Variants in GRIK4 observed in about 807,000 individuals in gnomAD.
GRIK4 encodes glutamate receptor ionotropic, kainate 4.
Under a neutral mutation model 104.9 loss-of-function variants are expected in GRIK4, and 40 were observed. That is an observed-to-expected ratio of 0.38 (90% CI 0.30 to 0.50). The LOEUF is 0.50. Ranked by LOEUF, GRIK4 falls within the 20% of genes least tolerant of loss-of-function variation. The pLI is 0.93. For synonymous variants in GRIK4, 485 were observed against 524.9 expected (o/e 0.92, Z 1.04); for missense variants, 1,047 against 1,308.1 (o/e 0.80, Z 3.08).
chr11:120,906,001 G>A (rs1046035448), intron 13 of GRIK4, among the ~76,000 whole-genome samples: 4 of 152,170 alleles, frequency 2.6e-5, no homozygotes, highest in Non-Finnish European at 5.9e-5. Context: ...GTTATCTTTG[G>A]TTAGCGTTAA....
In GRIK4 at chr11:120,822,232, A is replaced by AAAAG. The variant is rs1565373250; in HGVS notation, c.511+2314_511+2317dup. Among the ~76,000 whole-genome samples, 658 of 147,072 alleles carry AAAAG rather than the reference A, an allele frequency of 4.5e-3. 6 individuals carry two copies. The highest frequency in any genetic ancestry group is 0.017 in the African/African-American group (624 of 37,214). ...ATCTCAAAAAAAAAAAAAAAAAAAA[A>AAAAG]AAAGACAGTAAAATGATAATTGAGG... On this transcript the variant is annotated intron_variant, in intron 6 of 20. Transcript: ENST00000527524.
chr11:120,695,832 C>T (rs1415871041), intron 3 of GRIK4, among the ~76,000 whole-genome samples: 1 of 152,210 alleles, frequency 6.6e-6, no homozygotes, highest in Non-Finnish European at 1.5e-5. Context: ...TGAGGGCAGC[C>T]AAGGACCCAA....
At chr11:120,648,987 G>A (rs138807823) in intron 1 of GRIK4, among the ~76,000 whole-genome samples, 45 of 152,306 alleles carry the variant, frequency 3.0e-4, no homozygotes, top group African/African-American at 1.0e-3. Flanking sequence ...CTTGGCCCCC[G>A]AGGGAGCCTG....
intron 1 of GRIK4, among the ~76,000 whole-genome samples, chr11:120,541,458 A>G (rs868087119): frequency 1.3e-5 from 2 of 152,144 alleles, no homozygotes; most frequent in African/African-American, 4.8e-5. Context: ...AGCTGTTGCA[A>G]CCAAAAAGGC....
At chr11:120,947,981 C>T (rs754766006) in intron 14 of GRIK4, among the ~76,000 whole-genome samples, 1 of 152,186 alleles carries the variant, frequency 6.6e-6, no homozygotes, top group African/African-American at 2.4e-5. Context: ...GGGTGCTTTA[C>T]GTGGATAGGA....
intron 18 of GRIK4, among the ~76,000 whole-genome samples, chr11:120,963,504 A>C (rs1242451808): frequency 6.6e-6 from 1 of 152,182 alleles, no homozygotes; most frequent in Admixed American, 6.5e-5. Context: ...CTTCACACAC[A>C]CACCATAGAG....
chr11:120,790,130 C>G (rs142278045), intron 3 of GRIK4, among the ~76,000 whole-genome samples: 14 of 152,074 alleles, frequency 9.2e-5, no homozygotes, highest in African/African-American at 2.9e-4. Flanking sequence ...TATCACTTAC[C>G]GTATCAGGTT....
At chr11:120,654,852 T>G (rs1353527767) in intron 2 of GRIK4, among the ~76,000 whole-genome samples, 2 of 152,114 alleles carry the variant, frequency 1.3e-5, no homozygotes, top group Non-Finnish European at 2.9e-5. Flanking sequence ...CAGCCCCATG[T>G]TCTTACCTGT....
In GRIK4 at chr11:120,939,853, G is replaced by A. The variant is rs777549465; in HGVS notation, c.1477-494G>A. ...AAATAAGCCAGGCATGGTGGCCCAC[G>A]CCTGTAGTTCCAGCTACTCGGGAAG... On this transcript the variant is annotated intron_variant, in intron 13 of 20. Coordinates refer to ENST00000527524, the MANE Select transcript of GRIK4 (RefSeq NM_014619.5). The surrounding 1 kb of genome is among the most constrained non-coding windows in gnomAD (Gnocchi z 5.6). Among the ~76,000 whole-genome samples the A allele has an allele frequency of 3.9e-5, 6 of 152,230 alleles. No homozygotes were observed. Among genetic ancestry groups the A allele is most frequent in the South Asian group, 4.1e-4 (2 of 4,824 alleles).
intron 11 of GRIK4, among the ~76,000 whole-genome samples, 181 bp from the exon 12 acceptor site, chr11:120,898,351 G>C (rs527815290): frequency 7.1e-6 from 1 of 140,184 alleles, no homozygotes; most frequent in African/African-American, 2.7e-5. Flanking sequence ...TACAGCCCCC[G>C]TTTCCCTCAG....
In GRIK4 at chr11:120,828,604, T is replaced by C. The variant is rs567559690; in HGVS notation, c.512-3248T>C. Among the ~76,000 whole-genome samples, 10 of 152,278 alleles carry C rather than the reference T, an allele frequency of 6.6e-5. No individual in the cohort carries two copies. The South Asian group carries it at 1.5e-3, about 22-fold the overall frequency. ...GCCATAGTAACCTGCCTGGCATTGC[T>C]GGGGTTGGCACTCATGTCCCCAGAC... On this transcript the variant is annotated intron_variant, in intron 6 of 20. Transcript: ENST00000527524.
intron 5 of GRIK4, among the ~76,000 whole-genome samples, chr11:120,817,073 C>A (rs1007360663): frequency 1.3e-5 from 2 of 152,308 alleles, no homozygotes; most frequent in African/African-American, 4.8e-5. Flanking sequence ...CTGATCTTCA[C>A]TAAGTGGGGC....
intron 2 of GRIK4, among the ~76,000 whole-genome samples, chr11:120,658,667 CTGTT>C (rs1239750147): frequency 7.2e-6 from 1 of 138,908 alleles, no homozygotes; most frequent in East Asian, 2.2e-4. Context: ...AGTAAAGTGT[CTGTT>C]CAAGCCTTTG....
chr11:120,714,311 G>C (rs7120727), intron 3 of GRIK4, among the ~76,000 whole-genome samples: 35,399 of 152,168 alleles, frequency 0.23, 5,032 homozygotes, highest in African/African-American at 0.41. Context: ...ATTATTGCAA[G>C]CCAGAGTAAA....
chr11:120,608,176 G>A (rs1341317805), intron 1 of GRIK4, among the ~76,000 whole-genome samples: 9 of 152,334 alleles, frequency 5.9e-5, no homozygotes, highest in Non-Finnish European at 8.8e-5. Context: ...AGAGATAGGA[G>A]AGGCTGAGGT....
At chr11:120,752,557 AAC>A (rs1312102225) in intron 3 of GRIK4, among the ~76,000 whole-genome samples, 3 of 152,228 alleles carry the variant, frequency 2.0e-5, no homozygotes, top group African/African-American at 7.2e-5. Context: ...AAGAGAGTTT[AAC>A]AGTGTTGGCC....
chr11:120,916,496 A>G (rs2134549501), intron 13 of GRIK4, among the ~76,000 whole-genome samples: 1 of 152,306 alleles, frequency 6.6e-6, no homozygotes, highest in East Asian at 1.9e-4. Flanking sequence ...TGACATCCTT[A>G]TGCACCTAAC....
intron 18 of GRIK4, among the ~76,000 whole-genome samples, chr11:120,963,330 C>A (rs887354669): frequency 1.1e-4 from 17 of 152,192 alleles, no homozygotes; most frequent in African/African-American, 1.7e-4. Flanking sequence ...AGAAAGGTGT[C>A]CTAGCTGTGC....
In GRIK4 at chr11:120,986,112, A is replaced by T; in HGVS notation, c.2723A>T (p.Glu908Val). The change falls in exon 21 of 21, where the codon GAG becomes GTG. Residue 908 changes from glutamate to valine, a missense_variant. Around this residue, in one of 3 missense-constraint regions of GRIK4, gnomAD observed 160 missense variants for 140.9 expected, o/e 1.14. Transcript: ENST00000527524. ...CAGCTCGCGCAGAGACTGGCGCAGG[A>T]GGCCGCCCTGGTGGCCCGCGGCTGC... ...PDQLAQRLAQ[E>V]AALVARGCTH... is the part of the protein sequence containing the mutation. 1 of 1,515,332 alleles carries T rather than the reference A, an allele frequency of 6.6e-7. No homozygotes were observed. The highest frequency in any genetic ancestry group is 8.8e-7 in the Non-Finnish European group (1 of 1,139,398). 93.9% of individuals were successfully genotyped at this position (1,515,332 alleles called of 1,614,324 possible). A position where few individuals can be genotyped will look rare whatever the true frequency, so the allele number is the denominator to read the frequency against.
Sources: allele counts gnomAD v4.1 joint callset (sites outside exome capture counted in the v4.1 genomes callset), GRCh38; gene constraint gnomAD v4.1.1; regional missense constraint gnomAD v4.1.1; non-coding constraint Gnocchi (gnomAD v3.1); transcripts MANE v1.5; gene names NCBI Gene and HGNC (gene_info 2026-07-23, HGNC 2026-07-21).